The following IL1RAPL1 variants were observed in gnomAD, a reference collection of about 807,000 sequenced individuals.
IL1RAPL1 encodes the protein interleukin 1 receptor accessory protein like 1.
A neutral mutation model predicts 48.4 loss-of-function variants in IL1RAPL1; 3 were observed. The observed-to-expected ratio is 0.06, with a 90% confidence interval of 0.03 to 0.16. IL1RAPL1 has a LOEUF of 0.16. Among genes scored for constraint, IL1RAPL1 ranks in the 10% least tolerant of loss-of-function variants. IL1RAPL1 has a pLI of 1.00. For synonymous variants in IL1RAPL1, 185 were observed against 187.7 expected (o/e 0.99, Z 0.12); for missense variants, 349 against 530.6 (o/e 0.66, Z 3.36).
chrX:29,545,963 C>T (rs1273273055), intron 5 of IL1RAPL1, among the ~76,000 whole-genome samples: 1 of 111,437 alleles, frequency 9.0e-6, no homozygotes, highest in African/African-American at 3.3e-5. Flanking sequence ...TGCTTCTTAA[C>T]CCGGGGCAGG....
intron 9 of IL1RAPL1, 55 bp downstream of exon 9, chrX:29,941,849 CTT>C: frequency 8.9e-7 from 1 of 1,126,455 alleles, no homozygotes; most frequent in East Asian, 3.0e-5. Flanking sequence ...TCTTTCTTGT[CTT>C]TGTTTTATTA....
chrX:29,785,676 G>C (rs1393953030), intron 6 of IL1RAPL1, among the ~76,000 whole-genome samples: 1 of 111,819 alleles, frequency 8.9e-6, no homozygotes, highest in African/African-American at 3.3e-5. Context: ...TGCATCAATA[G>C]GTGAATGGAT....
rs68094158 is a variant in IL1RAPL1 at position 29,765,245 on chromosome X, C to CTT, written c.778+96759_778+96760dup. ...TGAAGTTAATAGCAGTAGTTCTAGGCTTTTTTTTTTTTTTTTTTTAAATCA... is the reference window on the plus strand; with the variant it reads ...TGAAGTTAATAGCAGTAGTTCTAGGCTTTTTTTTTTTTTTTTTTTTTAAATCA... On this transcript the variant is annotated intron_variant, in intron 6 of 10. Coordinates refer to ENST00000378993, the MANE Select transcript of IL1RAPL1 (RefSeq NM_014271.4). Among the ~76,000 whole-genome samples the CTT allele has an allele frequency of 9.6e-3, 787 of 81,670 alleles. 8 individuals carry two copies. Among genetic ancestry groups the CTT allele is most frequent in the African/African-American group, 0.033 (751 of 22,856 alleles). The allele number at this position is 81,670 out of a possible 115,157, so 70.9% of individuals were successfully genotyped here.
At chrX:29,735,697 G>T (rs748998970) in intron 6 of IL1RAPL1, among the ~76,000 whole-genome samples, 2 of 111,975 alleles carry the variant, frequency 1.8e-5, no homozygotes, top group East Asian at 5.6e-4. Flanking sequence ...CAGAGAAAGG[G>T]TTGATGGGGC....
rs753604851 is a variant in IL1RAPL1, at chrX:29,412,449, T to A, written c.703+13141T>A. Among the ~76,000 whole-genome samples, 5 of 112,086 alleles carry A rather than the reference T, an allele frequency of 4.5e-5. No homozygotes were observed. In the South Asian group the frequency reaches 1.8e-3, roughly 41 times the overall value. On this transcript the variant is annotated intron_variant, in intron 5 of 10. Transcript: ENST00000378993. ...TGCTAAATATTTCAAATGTAAAATA[T>A]GTGCTGGATTTTAAAGACTTAGTTT... is the stretch of plus-strand genomic sequence containing the variant.
At chrX:29,555,852 AG>A (rs754861390) in intron 5 of IL1RAPL1, among the ~76,000 whole-genome samples, 146 of 112,002 alleles carry the variant, frequency 1.3e-3, no homozygotes, top group Non-Finnish European at 2.3e-3. Flanking sequence ...AACACTGGGG[AG>A]GGGGGAAACA....
chrX:28,875,006 G>A (rs1006428572), intron 2 of IL1RAPL1, among the ~76,000 whole-genome samples: 1 of 111,553 alleles, frequency 9.0e-6, no homozygotes, highest in Non-Finnish European at 1.9e-5. Flanking sequence ...GGAGTCACAG[G>A]GAAAGAAGAT....
intron 6 of IL1RAPL1, among the ~76,000 whole-genome samples, chrX:29,788,126 T>C (rs776265861): frequency 1.3e-3 from 143 of 111,629 alleles, no homozygotes; most frequent in Non-Finnish European, 2.3e-3. Context: ...TGTGTATGTA[T>C]GTGAATGTAT....
intron 2 of IL1RAPL1, among the ~76,000 whole-genome samples, chrX:29,160,590 T>G (rs1929663029): frequency 8.9e-6 from 1 of 112,301 alleles, no homozygotes; most frequent in Non-Finnish European, 1.9e-5. Context: ...ATCTTCAAAT[T>G]TATATGTTCA....
At chrX:29,424,224 A>G (rs1329143221) in intron 5 of IL1RAPL1, among the ~76,000 whole-genome samples, 1 of 110,506 alleles carries the variant, frequency 9.0e-6, no homozygotes, top group Admixed American at 9.7e-5. Context: ...GACTATTGCA[A>G]TTGGGAAGCT....
chrX:28,912,115 C>A (rs748305168), intron 2 of IL1RAPL1, among the ~76,000 whole-genome samples: 7 of 106,433 alleles, frequency 6.6e-5, no homozygotes, highest in Non-Finnish European at 1.2e-4. Flanking sequence ...GAGGAGTATC[C>A]TAGATAATTT....
At chrX:28,710,358 G>T (rs1187945129) in intron 1 of IL1RAPL1, among the ~76,000 whole-genome samples, 1 of 106,784 alleles carries the variant, frequency 9.4e-6, no homozygotes, top group Non-Finnish European at 1.9e-5. Flanking sequence ...TGGGGGTGCT[G>T]ATTGGGGGTG....
chrX:29,086,746 C>T (rs180890017), intron 2 of IL1RAPL1, among the ~76,000 whole-genome samples: 2 of 111,584 alleles, frequency 1.8e-5, no homozygotes, highest in Admixed American at 1.9e-4. Context: ...TGACACAATA[C>T]CATGTGAGGA....
intron 5 of IL1RAPL1, among the ~76,000 whole-genome samples, chrX:29,638,044 G>A (rs1186879756): frequency 9.0e-6 from 1 of 111,601 alleles, no homozygotes; most frequent in African/African-American, 3.3e-5. Context: ...TAGCATATTG[G>A]AGATACACCA....
intron 2 of IL1RAPL1, among the ~76,000 whole-genome samples, chrX:29,176,430 C>G (rs1323205818): frequency 9.1e-6 from 1 of 109,606 alleles, no homozygotes; most frequent in Non-Finnish European, 1.9e-5. Flanking sequence ...GGTCTAGGAA[C>G]CACACTTTGA....
At chrX:28,737,135 TTCC>T (rs1935840421) in intron 1 of IL1RAPL1, among the ~76,000 whole-genome samples, 2 of 29,245 alleles carry the variant, frequency 6.8e-5, no homozygotes, top group African/African-American at 1.3e-4. Flanking sequence ...CCTTCCTTCC[TTCC>T]TTCCTTCCTT....
intron 5 of IL1RAPL1, among the ~76,000 whole-genome samples, chrX:29,450,865 A>G (rs1226153048): frequency 9.0e-6 from 1 of 111,510 alleles, no homozygotes; most frequent in Non-Finnish European, 1.9e-5. Context: ...ATTTTGTCAA[A>G]TAAACTTGGA....
At chrX:29,906,918 A>C (rs1220152493) in intron 6 of IL1RAPL1, among the ~76,000 whole-genome samples, 1 of 110,886 alleles carries the variant, frequency 9.0e-6, no homozygotes, top group Admixed American at 9.7e-5. Flanking sequence ...CACTGACTTA[A>C]GTAAAATAAG....
intron 5 of IL1RAPL1, among the ~76,000 whole-genome samples, chrX:29,478,538 A>G (rs1186737321): frequency 9.1e-6 from 1 of 110,451 alleles, no homozygotes; most frequent in Non-Finnish European, 1.9e-5. Flanking sequence ...ACAGATCATC[A>G]CTAGTCCCTG....
Sources: allele counts gnomAD v4.1 joint callset (sites outside exome capture counted in the v4.1 genomes callset), GRCh38; gene constraint gnomAD v4.1.1; transcripts MANE v1.5; gene names NCBI Gene and HGNC (gene_info 2026-07-23, HGNC 2026-07-21).